Variants in FBN3 observed in about 807,000 individuals in gnomAD.
The protein encoded by FBN3 is fibrillin 3, also known as fibrillin-3.
A neutral mutation model predicts 330.1 loss-of-function variants in FBN3; 234 were observed. The ratio of observed to expected loss-of-function variants is 0.71; its 90% CI spans 0.64 to 0.79. The LOEUF is 0.79. Ranked by LOEUF, FBN3 falls within the 30% of genes least tolerant of loss-of-function variation. FBN3 has a pLI of 0.00. For synonymous variants in FBN3, 1,458 were observed against 1,517.3 expected (o/e 0.96, Z 0.91); for missense variants, 3,606 against 3,886.9 (o/e 0.93, Z 1.92).
chr19:8,081,295 A>C, intron 58 of FBN3, 63 bp downstream of exon 58: 1 of 1,549,330 alleles, frequency 6.5e-7, no homozygotes, highest in Non-Finnish European at 8.7e-7. Flanking sequence ...TGTCTTGGGC[A>C]TCCCTTTGGG....
intron 26 of FBN3, among the ~76,000 whole-genome samples, chr19:8,118,570 A>G (rs78080357): frequency 1.4e-3 from 208 of 149,630 alleles, no homozygotes; most frequent in African/African-American, 5.0e-3. Flanking sequence ...ACACAGACGC[A>G]CACACACACT....
chr19:8,133,063 C>A lies in FBN3; in HGVS notation c.1635G>T (p.Val545=). Residue 545 remains valine, a synonymous_variant, in exon 14 of 64, where the codon GTG becomes GTT. Coordinates refer to ENST00000600128, the MANE Select transcript of FBN3 (RefSeq NM_032447.5). ...CATSTMCVNG[V]CLNEDGSFSC... Reference sequence around the variant, plus strand: ...AGAAGCTGCCATCCTCGTTGAGACACACGCCGTTGACGCACATGGTGCTGG... The same window carrying A: ...AGAAGCTGCCATCCTCGTTGAGACAAACGCCGTTGACGCACATGGTGCTGG... The A allele has an allele frequency of 6.3e-7, 1 of 1,587,092 alleles. No homozygotes were observed.
chr19:8,135,082 G>C (rs1414033555), intron 13 of FBN3, among the ~76,000 whole-genome samples: 1 of 151,486 alleles, frequency 6.6e-6, no homozygotes, highest in Non-Finnish European at 1.5e-5. Context: ...GGGCTCAAGT[G>C]ATCCTCCTGC....
intron 51 of FBN3, 67 bp from the exon 52 acceptor site, chr19:8,088,246 G>C (rs1021286122): frequency 2.6e-5 from 40 of 1,521,238 alleles, no homozygotes; most frequent in Non-Finnish European, 3.2e-5. Flanking sequence ...CATCCCATCT[G>C]CCTGCCTGTT....
At position 8,132,857 on chromosome 19, in the gene FBN3, T is replaced by C. The variant is rs957691658; in HGVS notation, c.1714+127A>G. 5.6e-6 allele frequency: 6 copies of C among 1,076,692 alleles called. No homozygotes were observed. The African/African-American group carries it at 6.4e-5, about 11-fold the overall frequency. The allele number at this position is 1,076,692 out of a possible 1,614,324, so 66.7% of individuals were successfully genotyped here. A position where few individuals can be genotyped will look rare whatever the true frequency, so the allele number is the denominator to read the frequency against. The stretch of plus-strand genomic sequence containing the variant: ...TCCCTCCTCCTCCTCTTTTTCTCCC[T>C]GCCCCTTCTCTTCTCCTTCTCTCAT... On this transcript the variant is annotated intron_variant, in intron 14 of 63. Transcript: ENST00000600128.
At chr19:8,103,496 C>A in intron 39 of FBN3, 66 bp downstream of exon 39, 2 of 1,539,544 alleles carry the variant, frequency 1.3e-6, no homozygotes, top group Non-Finnish European at 1.8e-6. Context: ...AGGCTCCCAG[C>A]AGTTCCTCCC....
chr19:8,076,247 C>CGTGTGTGTGTGTGT (rs34549426), intron 59 of FBN3, among the ~76,000 whole-genome samples: 1,717 of 147,700 alleles, frequency 0.012, 34 homozygotes, highest in African/African-American at 0.035. Flanking sequence ...TGTCCGTGTG[C>CGTGTGTGTGTGTGT]GTGTGTGTGT....
chr19:8,074,987 T>C, intron 61 of FBN3, 84 bp downstream of exon 61: 1 of 1,509,398 alleles, frequency 6.6e-7, no homozygotes, highest in Non-Finnish European at 8.9e-7. Flanking sequence ...TGTCACATCA[T>C]CTTGCAGGGT....
rs539426180 is a variant in FBN3 at position 8,140,932 on chromosome 19, C to T, written c.865+785G>A. ...GGCCAGCCGGGCGCGGTGGCTCACG[C>T]CTGTAATCCCAGCACTTTGGGAGGC... is the stretch of plus-strand genomic sequence containing the variant. On this transcript the variant is annotated intron_variant, in intron 8 of 63. Coordinates refer to ENST00000600128, the MANE Select transcript of FBN3 (RefSeq NM_032447.5). Among the ~76,000 whole-genome samples, 389 of 152,226 alleles carry T rather than the reference C, an allele frequency of 2.6e-3. 1 individual carries two copies. Among genetic ancestry groups the T allele is most frequent in the African/African-American group, 8.6e-3 (358 of 41,544 alleles).
Position 8,065,619 on chromosome 19 carries a change from C to T in FBN3, c.*300G>A, listed in dbSNP as rs1007395491. On this transcript the variant is annotated 3_prime_UTR_variant, in exon 64 of 64. Transcript: ENST00000600128. ...CCACAGTGCAGTACAGAAGTGAAAG[C>T]CTGAGATTGGCCAGACACGGTGACC... The T allele has an allele frequency of 1.3e-4, 55 of 416,650 alleles. 1 individual carries two copies. The highest frequency in any genetic ancestry group is 1.2e-3 in the Middle Eastern group (2 of 1,626). 25.8% of individuals were successfully genotyped at this position (416,650 alleles called of 1,614,324 possible).
In FBN3 at chr19:8,086,331, A is replaced by T. The variant is rs200607903; in HGVS notation, c.6755-6T>A. Reference sequence around the variant, plus strand: ...AGCGTGGCATTCATTGTCATCTGAGATGGGAGGGGTGAGGCAGGTGGGCGG... The same window carrying T: ...AGCGTGGCATTCATTGTCATCTGAGTTGGGAGGGGTGAGGCAGGTGGGCGG... On this transcript the variant is annotated splice_region_variant and splice_polypyrimidine_tract_variant and intron_variant, in intron 54 of 63. Coordinates refer to ENST00000600128, the MANE Select transcript of FBN3 (RefSeq NM_032447.5). 2.1e-5 allele frequency: 34 copies of T among 1,593,438 alleles called. No individual in the cohort carries two copies. The highest frequency in any genetic ancestry group is 2.7e-5 in the Non-Finnish European group (32 of 1,166,848).
intron 63 of FBN3, among the ~76,000 whole-genome samples, chr19:8,069,464 A>G (rs2081464782): frequency 1.4e-5 from 2 of 147,720 alleles, no homozygotes; most frequent in South Asian, 4.6e-4. Flanking sequence ...TTCAAGTGAA[A>G]GTTATTCCTG....
intron 8 of FBN3, among the ~76,000 whole-genome samples, chr19:8,140,292 C>T (rs1271028176): frequency 1.3e-5 from 2 of 152,022 alleles, no homozygotes; most frequent in Non-Finnish European, 2.9e-5. Context: ...AGTGAAACCC[C>T]GTCTCTACTA....
chr19:8,090,443 G>T (rs187863764), intron 48 of FBN3, among the ~76,000 whole-genome samples, 192 bp from the exon 49 acceptor site: 1 of 151,428 alleles, frequency 6.6e-6, no homozygotes, highest in Non-Finnish European at 1.5e-5. Flanking sequence ...GGCCAATGAG[G>T]ATCTGCCCTG....
At chr19:8,075,262 C>A in intron 60 of FBN3, 21 bp downstream of exon 60, 1 of 1,602,392 alleles carries the variant, frequency 6.2e-7, no homozygotes, top group South Asian at 1.1e-5. Context: ...ACACTAGACC[C>A]CAGCCAAAGC....
In FBN3 at chr19:8,109,861, C is replaced by G; in HGVS notation, c.4334-108G>C. On this transcript the variant is annotated intron_variant, in intron 34 of 63. Transcript: ENST00000600128. The surrounding 1 kb of genome is among the most constrained non-coding windows in gnomAD (Gnocchi z 5.2). The stretch of plus-strand genomic sequence containing the variant: ...CCCTCGCTCAAGGTCAACTCCTGGG[C>G]ACCAGATTGTGGGACAATGTCATGT... 1 of 1,256,868 alleles carries G rather than the reference C, an allele frequency of 8.0e-7. No homozygotes were observed. The highest frequency in any genetic ancestry group is 1.1e-6 in the Non-Finnish European group (1 of 946,112). The allele number at this position is 1,256,868 out of a possible 1,614,324, so 77.9% of individuals were successfully genotyped here.
chr19:8,147,576 G>C, intron 1 of FBN3, 79 bp from the exon 2 acceptor site: 1 of 1,290,668 alleles, frequency 7.7e-7, no homozygotes. Flanking sequence ...GAGGAGGGCA[G>C]GGTGGTTGCC....
intron 56 of FBN3, among the ~76,000 whole-genome samples, chr19:8,083,757 C>A (rs1412671365): frequency 2.6e-5 from 4 of 152,118 alleles, no homozygotes; most frequent in East Asian, 1.9e-4. Context: ...AGTCTCCCCC[C>A]AGCCACACCC....
chr19:8,146,327 T>A, intron 3 of FBN3, 102 bp from the exon 4 acceptor site: 1 of 912,076 alleles, frequency 1.1e-6, no homozygotes, highest in Non-Finnish European at 1.7e-6. Context: ...TGGACGCTGC[T>A]GGTCATCTGC....
Sources: allele counts gnomAD v4.1 joint callset (sites outside exome capture counted in the v4.1 genomes callset), GRCh38; gene constraint gnomAD v4.1.1; non-coding constraint Gnocchi (gnomAD v3.1); transcripts MANE v1.5; gene names NCBI Gene and HGNC (gene_info 2026-07-23, HGNC 2026-07-21).